Variants in ATP2B1 observed in about 807,000 individuals in gnomAD.
ATP2B1 encodes ATPase plasma membrane Ca2+ transporting 1, also known as plasma membrane calcium-transporting ATPase 1.
Under a neutral mutation model 124.2 loss-of-function variants are expected in ATP2B1, and 14 were observed. That is an observed-to-expected ratio of 0.11 (90% CI 0.07 to 0.18). The LOEUF (loss-of-function observed/expected upper bound fraction) is 0.18, where lower values mean the gene tolerates loss of function less well. Ranked by LOEUF, ATP2B1 falls within the 10% of genes least tolerant of loss-of-function variation. The probability of loss-of-function intolerance (pLI) is 1.00; values close to 1 mark genes in which losing one functional copy is unlikely to be tolerated. For missense variants in ATP2B1, 763 were observed against 1,466.1 expected (o/e 0.52, Z 7.83); for synonymous variants, 449 against 492.4 (o/e 0.91, Z 1.17).
chr12:89,688,267 A>T (rs1267837124), intron 1 of ATP2B1, among the ~76,000 whole-genome samples: 2 of 152,112 alleles, frequency 1.3e-5, no homozygotes, highest in Non-Finnish European at 2.9e-5. Flanking sequence ...GTTACTCTTC[A>T]TTACTGAGGA....
At chr12:89,618,231 C>A (rs1294664957) in intron 11 of ATP2B1, among the ~76,000 whole-genome samples, 1 of 152,158 alleles carries the variant, frequency 6.6e-6, no homozygotes, top group Admixed American at 6.5e-5. Context: ...CTCAGCCCAA[C>A]ATTTAAAAAG....
intron 3 of ATP2B1, 103 bp from the exon 4 acceptor site, chr12:89,635,354 A>G (rs1882532788): frequency 3.1e-6 from 4 of 1,302,222 alleles, no homozygotes; most frequent in Admixed American, 2.5e-5. Context: ...ATGTTTATCA[A>G]TTTTACTTAT....
intron 1 of ATP2B1, among the ~76,000 whole-genome samples, chr12:89,692,992 T>C (rs777851963): frequency 3.9e-5 from 6 of 152,238 alleles, no homozygotes; most frequent in Non-Finnish European, 5.9e-5. Context: ...GAGGATGTAC[T>C]GTATGCTTCT....
intron 11 of ATP2B1, among the ~76,000 whole-genome samples, chr12:89,619,618 T>A (rs200305933): frequency 0.025 from 3,057 of 121,850 alleles, no homozygotes; most frequent in Non-Finnish European, 0.03. Flanking sequence ...CTTAAACAAA[T>A]AAAAAAAAAA....
chr12:89,612,465 A>T (rs1878190457), intron 12 of ATP2B1, among the ~76,000 whole-genome samples: 1 of 152,164 alleles, frequency 6.6e-6, no homozygotes, highest in Non-Finnish European at 1.5e-5. Flanking sequence ...ATGCCTAATG[A>T]AAGAGCTATT....
intron 6 of ATP2B1, among the ~76,000 whole-genome samples, chr12:89,627,923 G>C (rs1242876902): frequency 6.6e-6 from 1 of 151,746 alleles, no homozygotes; most frequent in Admixed American, 6.6e-5. Context: ...AATAATTTAG[G>C]GTGTCTATAT....
chr12:89,654,449 A>G (rs1465432637), intron 2 of ATP2B1, among the ~76,000 whole-genome samples: 1 of 152,210 alleles, frequency 6.6e-6, no homozygotes, highest in Non-Finnish European at 1.5e-5. Context: ...CCAATTTGAA[A>G]AGATACAGAA....
chr12:89,640,571 G>A (rs950647512), intron 3 of ATP2B1, among the ~76,000 whole-genome samples: 5 of 152,274 alleles, frequency 3.3e-5, no homozygotes, highest in Admixed American at 3.3e-4. Flanking sequence ...ACAGTCTTAC[G>A]TGAGCCTAGG....
At position 89,648,462 on chromosome 12, in the gene ATP2B1, T is replaced by C. The variant is rs538826110; in HGVS notation, c.209-6107A>G. 5.9e-5 allele frequency among the ~76,000 whole-genome samples: 9 copies of C among 152,320 alleles called. No individual in the cohort carries two copies. The East Asian group carries it at 1.5e-3, about 26-fold the overall frequency. ...CTTAAGAGTAATGACCTAGGGTATC[T>C]AGCACAAGACGGTTCTCAGCAGCAA... On this transcript the variant is annotated intron_variant, in intron 2 of 20. Coordinates refer to ENST00000428670, the MANE Select transcript of ATP2B1 (RefSeq NM_001366521.1).
intron 1 of ATP2B1, among the ~76,000 whole-genome samples, chr12:89,683,583 C>T (rs546766021): frequency 3.3e-5 from 5 of 152,322 alleles, no homozygotes; most frequent in East Asian, 1.9e-4. Context: ...GTAATTCTAG[C>T]CCGTAACTAT....
intron 8 of ATP2B1, among the ~76,000 whole-genome samples, 187 bp from the exon 9 acceptor site, chr12:89,624,584 C>G (rs891521411): frequency 2.6e-5 from 4 of 152,212 alleles, no homozygotes; most frequent in African/African-American, 7.2e-5. Flanking sequence ...CTTCCAAGTA[C>G]AGTCTTGTCC....
chr12:89,659,931 C>CAAAAAAAAAAAAAAAAAAAAAAAA (rs545497005), intron 1 of ATP2B1, among the ~76,000 whole-genome samples: 1 of 127,872 alleles, frequency 7.8e-6, no homozygotes, highest in Admixed American at 8.2e-5. Flanking sequence ...AAAAAAAAAA[C>CAAAAAAAAAAAAAAAAAAAAAAAA]AAAAAAAAAC....
intron 1 of ATP2B1, among the ~76,000 whole-genome samples, chr12:89,661,018 ATGAGCACAAATTATTGATTTAGGGT>A (rs1725176756): frequency 6.6e-6 from 1 of 152,196 alleles, no homozygotes; most frequent in Non-Finnish European, 1.5e-5. Flanking sequence ...CTGGTTCTAT[ATGAGCACAAATTATTGATTTAGGGT>A]TTAAAAAAAA....
At chr12:89,653,278 T>G (rs916970137) in intron 2 of ATP2B1, among the ~76,000 whole-genome samples, 1 of 128,086 alleles carries the variant, frequency 7.8e-6, no homozygotes, top group Non-Finnish European at 1.6e-5. Flanking sequence ...ACATAGAATT[T>G]TTTTCTTTTT....
chr12:89,703,471 C>T (rs1892094292), intron 1 of ATP2B1, among the ~76,000 whole-genome samples: 1 of 152,204 alleles, frequency 6.6e-6, no homozygotes, highest in Admixed American at 6.5e-5. Context: ...AGAGAGCTAT[C>T]TATCCACTAA....
chr12:89,621,549 C>A lies in ATP2B1; in HGVS notation c.1587G>T (p.Leu529Phe). The change falls in exon 10 of 21, where the codon TTG becomes TTT. Residue 529 changes from leucine (L) to phenylalanine (F), a missense_variant and splice_region_variant. Leu to Phe is a conservative substitution (Grantham distance 22). Transcript: ENST00000428670. Reference sequence around the variant, plus strand: ...TCATAAATTATTTCAAAAACCTTACCAATATTTTTGATGTATAAGCACAAT... The same window carrying A: ...TCATAAATTATTTCAAAAACCTTACAAATATTTTTGATGTATAAGCACAAT... ...SVNCAYTSKI[L>F]PPEKEGGLPR... 2.6e-6 allele frequency: 4 copies of A among 1,528,880 alleles called. No homozygotes were observed. Among genetic ancestry groups the A allele is most frequent in the Admixed American group, 2.0e-5 (1 of 50,568 alleles). The allele number at this position is 1,528,880 out of a possible 1,614,324, so 94.7% of individuals were successfully genotyped here. A position where few individuals can be genotyped will look rare whatever the true frequency, so the allele number is the denominator to read the frequency against.
chr12:89,626,354 A>T, intron 8 of ATP2B1, 100 bp downstream of exon 8: 1 of 1,309,786 alleles, frequency 7.6e-7, no homozygotes, highest in Non-Finnish European at 1.0e-6. Flanking sequence ...CCTTCTATTC[A>T]CAAAGCAACA....
At chr12:89,613,093 C>A (rs990599892) in intron 12 of ATP2B1, among the ~76,000 whole-genome samples, 1 of 152,046 alleles carries the variant, frequency 6.6e-6, no homozygotes, top group Non-Finnish European at 1.5e-5. Flanking sequence ...GATCCTCCCA[C>A]CTCAGCCTCC....
At chr12:89,611,165 CA>C in intron 13 of ATP2B1, 27 bp downstream of exon 13, 1 of 1,551,990 alleles carries the variant, frequency 6.4e-7, no homozygotes, top group Admixed American at 2.0e-5. Context: ...ATCTGTCAAC[CA>C]AAAACAAAAT....
Sources: allele counts gnomAD v4.1 joint callset (sites outside exome capture counted in the v4.1 genomes callset), GRCh38; gene constraint gnomAD v4.1.1; transcripts MANE v1.5; gene names NCBI Gene and HGNC (gene_info 2026-07-23, HGNC 2026-07-21).